The following TTC28 variants were observed in gnomAD, a reference collection of about 807,000 sequenced individuals.
The protein encoded by TTC28 is tetratricopeptide repeat domain 28.
A neutral mutation model predicts 198.0 loss-of-function variants in TTC28; 61 were observed. The ratio of observed to expected loss-of-function variants is 0.31; its 90% CI spans 0.25 to 0.38. The LOEUF (loss-of-function observed/expected upper bound fraction) is 0.38, where lower values mean the gene tolerates loss of function less well. Among genes scored for constraint, TTC28 ranks in the 10% least tolerant of loss-of-function variants. The pLI is 1.00. For synonymous variants in TTC28, 1,171 were observed against 1,297.8 expected (o/e 0.90, Z 2.10); for missense variants, 2,678 against 3,164.0 (o/e 0.85, Z 3.69).
chr22:28,088,913 A>G (rs1433215906), intron 12 of TTC28, among the ~76,000 whole-genome samples: 1 of 152,260 alleles, frequency 6.6e-6, no homozygotes, highest in Non-Finnish European at 1.5e-5. Context: ...ACGTGAAAAA[A>G]TGCTCACCAT....
chr22:28,068,529 C>A (rs925885397), intron 12 of TTC28, among the ~76,000 whole-genome samples: 1 of 152,120 alleles, frequency 6.6e-6, no homozygotes, highest in African/African-American at 2.4e-5. Flanking sequence ...TTAGTCTCAG[C>A]GGGCAAGGAG....
At chr22:28,636,960 TC>T (rs1170719291) in intron 1 of TTC28, among the ~76,000 whole-genome samples, 1 of 151,646 alleles carries the variant, frequency 6.6e-6, no homozygotes, top group Admixed American at 6.6e-5. Flanking sequence ...AAGAACTTTT[TC>T]CCCCATGTTT....
At chr22:28,347,661 C>A (rs934768215) in intron 2 of TTC28, among the ~76,000 whole-genome samples, 31 of 152,126 alleles carry the variant, frequency 2.0e-4, no homozygotes, top group African/African-American at 7.5e-4. Context: ...CACTTGATGT[C>A]AGGAGTTCGA....
At chr22:28,106,321 C>T (rs900794458) in intron 7 of TTC28, among the ~76,000 whole-genome samples, 4 of 152,156 alleles carry the variant, frequency 2.6e-5, no homozygotes, top group Non-Finnish European at 5.9e-5. Flanking sequence ...GGGTTCCCCA[C>T]ATTTAGGAGA....
Position 28,101,160 on chromosome 22 carries a change from GT to G in TTC28, c.3417+10del. ...AACAAAAAATCCACTTCAGTCAGGG[GT>G]TCTGCTTACCTGGTGTTGGGCCTCC... On this transcript the variant is annotated intron_variant, in intron 9 of 22. Transcript: ENST00000397906. 1.3e-6 allele frequency: 2 copies of G among 1,541,872 alleles called. No individual in the cohort carries two copies. Among genetic ancestry groups the G allele is most frequent in the Non-Finnish European group, 1.8e-6 (2 of 1,139,510 alleles).
chr22:28,209,013 G>A (rs970537703), intron 5 of TTC28, among the ~76,000 whole-genome samples: 1 of 152,168 alleles, frequency 6.6e-6, no homozygotes, highest in Admixed American at 6.5e-5. Context: ...GAATTAAAAG[G>A]TTTTTCATAC....
At chr22:28,059,391 C>A (rs1208354110) in intron 12 of TTC28, among the ~76,000 whole-genome samples, 1 of 151,940 alleles carries the variant, frequency 6.6e-6, no homozygotes, top group Non-Finnish European at 1.5e-5. Context: ...TATCTGTGGT[C>A]AGAACATGTA....
intron 1 of TTC28, among the ~76,000 whole-genome samples, chr22:28,659,666 G>A (rs946482457): frequency 2.6e-5 from 4 of 152,262 alleles, no homozygotes; most frequent in Admixed American, 1.3e-4. Flanking sequence ...GGAGGCTGAG[G>A]CAAGAGAATC....
intron 5 of TTC28, among the ~76,000 whole-genome samples, chr22:28,191,956 C>A (rs948311589): frequency 3.3e-5 from 5 of 152,306 alleles, no homozygotes; most frequent in African/African-American, 7.2e-5. Context: ...TCTCCCAGCA[C>A]GCAGCTGGAG....
intron 17 of TTC28, among the ~76,000 whole-genome samples, chr22:27,995,745 C>G (rs1387795149): frequency 6.6e-6 from 1 of 152,204 alleles, no homozygotes; most frequent in East Asian, 1.9e-4. Context: ...AGTGACTTGC[C>G]CAAAGCCACA....
intron 2 of TTC28, among the ~76,000 whole-genome samples, chr22:28,337,412 G>C (rs866637909): frequency 6.6e-6 from 1 of 152,044 alleles, no homozygotes; most frequent in Non-Finnish European, 1.5e-5. Flanking sequence ...TTTCTGTCTC[G>C]TTGATCTGTC....
At chr22:28,506,156 G>A (rs1392384273) in intron 2 of TTC28, among the ~76,000 whole-genome samples, 1 of 152,174 alleles carries the variant, frequency 6.6e-6, no homozygotes, top group African/African-American at 2.4e-5. Flanking sequence ...CCCTGGGACA[G>A]AGCTCCTGTG....
chr22:28,599,188 T>C (rs185301564), intron 2 of TTC28, among the ~76,000 whole-genome samples: 3 of 152,224 alleles, frequency 2.0e-5, no homozygotes, highest in South Asian at 2.1e-4. Context: ...AGAAAAAGAA[T>C]AGCCATAAAT....
intron 12 of TTC28, among the ~76,000 whole-genome samples, chr22:28,031,468 G>A (rs536804385): frequency 8.4e-4 from 128 of 152,332 alleles, no homozygotes; most frequent in Middle Eastern, 3.4e-3. Flanking sequence ...AGACAGAGTC[G>A]CAAGCCCCTC....
intron 1 of TTC28, among the ~76,000 whole-genome samples, chr22:28,670,218 C>A (rs1187149864): frequency 1.3e-5 from 2 of 151,998 alleles, no homozygotes; most frequent in Non-Finnish European, 2.9e-5. Context: ...GTAAAACTTA[C>A]CCATTTAAAG....
intron 2 of TTC28, among the ~76,000 whole-genome samples, chr22:28,593,279 G>A (rs149459311): frequency 1.8e-4 from 28 of 152,262 alleles, no homozygotes; most frequent in African/African-American, 6.3e-4. Context: ...TTCAGTTGTA[G>A]CTTCTCTAAT....
chr22:28,150,697 C>CAGG (rs1016905373), intron 6 of TTC28, among the ~76,000 whole-genome samples: 2 of 152,188 alleles, frequency 1.3e-5, no homozygotes, highest in African/African-American at 4.8e-5. Context: ...AAGGGCTACA[C>CAGG]AGGAGCTGTT....
chr22:28,046,260 G>T (rs904065616), intron 12 of TTC28, among the ~76,000 whole-genome samples: 1 of 152,204 alleles, frequency 6.6e-6, no homozygotes, highest in South Asian at 2.1e-4. Flanking sequence ...ACAGGAACAT[G>T]TTCTGAGAAA....
At chr22:28,388,724 G>C (rs2046660782) in intron 2 of TTC28, among the ~76,000 whole-genome samples, 1 of 152,164 alleles carries the variant, frequency 6.6e-6, no homozygotes. Flanking sequence ...TTGCTTATCA[G>C]CTTAAGGAGA....
Sources: allele counts gnomAD v4.1 joint callset (sites outside exome capture counted in the v4.1 genomes callset), GRCh38; gene constraint gnomAD v4.1.1; transcripts MANE v1.5; gene names NCBI Gene and HGNC (gene_info 2026-07-23, HGNC 2026-07-21).